KANK4: variants seen among roughly 807,000 people sequenced by gnomAD.
KANK4 encodes the protein KN motif and ankyrin repeat domains 4, also known as KN motif and ankyrin repeat domain-containing protein 4.
Under a neutral mutation model 80.8 loss-of-function variants are expected in KANK4, and 50 were observed. The ratio of observed to expected loss-of-function variants is 0.62; its 90% CI spans 0.49 to 0.78. KANK4 has a LOEUF of 0.78. KANK4 is among the 30% of genes least tolerant of loss of function. The probability of loss-of-function intolerance (pLI) is 0.00; values close to 1 mark genes in which losing one functional copy is unlikely to be tolerated. For synonymous variants in KANK4, 465 were observed against 506.9 expected (o/e 0.92, Z 1.11); for missense variants, 1,196 against 1,240.1 (o/e 0.96, Z 0.53).
chr1:62,281,109 C>T (rs1386160707), intron 2 of KANK4, among the ~76,000 whole-genome samples: 1 of 152,186 alleles, frequency 6.6e-6, no homozygotes, highest in Non-Finnish European at 1.5e-5. Context: ...CCATCCAGCT[C>T]CCAGCCAAGT....
chr1:62,293,249 C>T (rs1199225172), intron 1 of KANK4, among the ~76,000 whole-genome samples: 3 of 104,878 alleles, frequency 2.9e-5, no homozygotes, highest in African/African-American at 1.2e-4. Context: ...CACCACACCC[C>T]GCTAATTTTT....
At chr1:62,245,996 G>C (rs1465670367) in intron 9 of KANK4, among the ~76,000 whole-genome samples, 2 of 152,080 alleles carry the variant, frequency 1.3e-5, no homozygotes, top group African/African-American at 4.8e-5. Context: ...AATGGAGCCG[G>C]GTTCCACTAG....
At chr1:62,305,608 C>G (rs12064402) in intron 1 of KANK4, among the ~76,000 whole-genome samples, 51,730 of 151,342 alleles carry the variant, frequency 0.34, 9,401 homozygotes, top group East Asian at 0.63. Context: ...ACCATGCCTG[C>G]CCCTGCTTGA....
chr1:62,271,829 T>C (rs1325065057), intron 3 of KANK4: 5 of 435,978 alleles, frequency 1.1e-5, no homozygotes, highest in South Asian at 2.4e-5. Context: ...TGAAGAACCA[T>C]GTGGCGTAGG....
intron 1 of KANK4, among the ~76,000 whole-genome samples, chr1:62,295,798 G>C (rs1280132315): frequency 2.0e-5 from 3 of 152,248 alleles, no homozygotes; most frequent in African/African-American, 7.2e-5. Context: ...AGCGTCCCCA[G>C]TTTAAATGTG....
chr1:62,285,909 G>A (rs770924557), intron 1 of KANK4, among the ~76,000 whole-genome samples: 7 of 152,156 alleles, frequency 4.6e-5, no homozygotes, highest in Non-Finnish European at 8.8e-5. Context: ...GAAGCAGGAG[G>A]CATCTGACCG....
At position 62,238,307 on chromosome 1, in the gene KANK4, G is replaced by A. The variant is rs151151056; in HGVS notation, c.2958C>T (p.His986=). Residue 986 remains histidine, a synonymous_variant, in exon 10 of 10, where the codon CAC becomes CAT. Transcript: ENST00000371153. ...HMEIAGLLRA[H]AEQGRSLGL The stretch of plus-strand genomic sequence containing the variant: ...GCCCCAGGGACCTGCCCTGCTCCGC[G>A]TGGGCTCTCAGAAGCCCAGCAATTT... 186 of 1,613,782 alleles carry A rather than the reference G, an allele frequency of 1.2e-4. No homozygotes were observed. Among genetic ancestry groups the A allele is most frequent in the Non-Finnish European group, 1.4e-4 (170 of 1,179,696 alleles).
At chr1:62,293,834 T>G (rs1212767454) in intron 1 of KANK4, among the ~76,000 whole-genome samples, 1 of 152,164 alleles carries the variant, frequency 6.6e-6, no homozygotes, top group Non-Finnish European at 1.5e-5. Context: ...CTTCCTATAC[T>G]TGGTTATTTC....
At chr1:62,297,699 C>T (rs1644378373) in intron 1 of KANK4, among the ~76,000 whole-genome samples, 1 of 152,114 alleles carries the variant, frequency 6.6e-6, no homozygotes, top group Non-Finnish European at 1.5e-5. Flanking sequence ...CTAAATAAGA[C>T]CAATTTACTT....
In KANK4 at chr1:62,274,821, C is replaced by T; in HGVS notation, c.283G>A (p.Val95Met). ...GTCCCAAGTGATGCCTCCCTTGGCA[C>T]CACGGGAGACCAGTTTTGGAGGGGC... Reference protein sequence around the residue: ...APPLQNWSPVVPREASLGTQE... With the variant: ...APPLQNWSPVMPREASLGTQE... The change falls in exon 3 of 10, where the codon GTG (valine) becomes ATG (methionine). Residue 95 changes from valine to methionine, a missense_variant. By Grantham distance (21) the Val-to-Met change is conservative. Around this residue, in one of 3 missense-constraint regions of KANK4, gnomAD observed 1,154 missense variants for 1,179.6 expected, o/e 0.98. Coordinates refer to ENST00000371153, the MANE Select transcript of KANK4 (RefSeq NM_181712.5). The T allele has an allele frequency of 3.7e-6, 6 of 1,614,124 alleles. No homozygotes were observed. Among genetic ancestry groups the T allele is most frequent in the South Asian group, 1.1e-5 (1 of 91,080 alleles).
chr1:62,299,168 C>T (rs1235865949), intron 1 of KANK4, among the ~76,000 whole-genome samples: 2 of 152,240 alleles, frequency 1.3e-5, no homozygotes, highest in African/African-American at 2.4e-5. Flanking sequence ...AGTGATCCTC[C>T]TGCCTCAGCC....
intron 7 of KANK4, among the ~76,000 whole-genome samples, chr1:62,259,814 A>G (rs1325579134): frequency 6.6e-6 from 1 of 150,818 alleles, no homozygotes; most frequent in Non-Finnish European, 1.5e-5. Flanking sequence ...ATAAATTTAA[A>G]TTATATTTAG....
intron 5 of KANK4, 93 bp downstream of exon 5, chr1:62,268,194 C>T (rs1005213259): frequency 1.1e-5 from 11 of 982,700 alleles, no homozygotes; most frequent in Non-Finnish European, 1.6e-5. Flanking sequence ...TGGATGGGTA[C>T]ATGAATGAAC....
rs776433306 is a variant in KANK4 at position 62,271,483 on chromosome 1, G to A, written c.2007C>T (p.Asn669=). 3.0e-5 allele frequency: 49 copies of A among 1,609,042 alleles called. No individual in the cohort carries two copies. Among genetic ancestry groups the A allele is most frequent in the Non-Finnish European group, 3.9e-5 (46 of 1,175,532 alleles). Residue 669 remains asparagine, a synonymous_variant, in exon 4 of 10, where the codon AAC becomes AAT. Transcript: ENST00000371153. The part of the protein sequence containing the change: ...TKKNLQFVGV[N]GGYETTSSEE... Reference sequence around the variant, plus strand: ...GCTTCACAAGCGATGCTTACCCACCGTTAACCCCAACAAACTGAAGGTTCT... The same window carrying A: ...GCTTCACAAGCGATGCTTACCCACCATTAACCCCAACAAACTGAAGGTTCT...
chr1:62,274,388 A>T lies in KANK4; in HGVS notation c.716T>A (p.Val239Glu). ...GAGAGGGAGGTGATTTGGAACCTTC[A>T]CCACACCCTCTGGAGGCTCAGCTCC... is the stretch of plus-strand genomic sequence containing the variant. ...QEGAEPPEGV[V>E]KVPNHLPLPG... Residue 239 changes from valine to glutamate, a missense_variant, in exon 3 of 10, where the codon GTG (valine) becomes GAG (glutamate). This residue lies in a region of KANK4 where 1,154 missense variants were observed against 1,179.6 expected (regional missense o/e 0.98). Coordinates refer to ENST00000371153, the MANE Select transcript of KANK4 (RefSeq NM_181712.5). The T allele has an allele frequency of 6.2e-7, 1 of 1,614,064 alleles. No homozygotes were observed. Among genetic ancestry groups the T allele is most frequent in the Non-Finnish European group, 8.5e-7 (1 of 1,180,000 alleles).
chr1:62,257,157 G>A (rs1052334763), intron 7 of KANK4, among the ~76,000 whole-genome samples: 6 of 151,260 alleles, frequency 4.0e-5, no homozygotes, highest in Non-Finnish European at 7.4e-5. Context: ...GTGTGATCTC[G>A]GCTCACTGTA....
At chr1:62,241,055 C>A (rs2149112731) in intron 9 of KANK4, among the ~76,000 whole-genome samples, 1 of 152,316 alleles carries the variant, frequency 6.6e-6, no homozygotes, top group Admixed American at 6.5e-5. Flanking sequence ...ACCCAAGACC[C>A]CACTAGATTG....
At chr1:62,238,500 A>G (rs1033373444) in intron 9 of KANK4, 119 bp from the exon 10 acceptor site, 4 of 738,130 alleles carry the variant, frequency 5.4e-6, no homozygotes, top group Non-Finnish European at 9.3e-6. Context: ...TAAGGCTTCC[A>G]GAGACCTCGG....
At position 62,238,257 on chromosome 1, in the gene KANK4, G is replaced by C. The variant is rs773542476; in HGVS notation, c.*20C>G. ...AGAGAAGAAGGCTTTTGTTCCCCAC[G>C]GCCAGTTCTTCTGCAGCCCCTACAG... is the stretch of plus-strand genomic sequence containing the variant. On this transcript the variant is annotated 3_prime_UTR_variant, in exon 10 of 10. Transcript: ENST00000371153. The C allele has an allele frequency of 6.3e-7, 1 of 1,576,904 alleles. No individual in the cohort carries two copies. Among genetic ancestry groups the C allele is most frequent in the Non-Finnish European group, 8.7e-7 (1 of 1,146,794 alleles).
Sources: allele counts gnomAD v4.1 joint callset (sites outside exome capture counted in the v4.1 genomes callset), GRCh38; gene constraint gnomAD v4.1.1; regional missense constraint gnomAD v4.1.1; transcripts MANE v1.5; gene names NCBI Gene and HGNC (gene_info 2026-07-23, HGNC 2026-07-21).